The following FIGN variants were observed in gnomAD, a reference collection of about 807,000 sequenced individuals.
The protein encoded by FIGN is fidgetin, microtubule severing factor, also known as fidgetin.
In FIGN, 11 loss-of-function variants were observed where a neutral mutation model predicts 51.3. The observed-to-expected ratio is 0.21, with a 90% CI of 0.13 to 0.35. The LOEUF is 0.35. FIGN is among the 10% of genes least tolerant of loss of function. The pLI, the probability that FIGN is intolerant of heterozygous loss-of-function variation, is 1.00. For missense variants in FIGN, 857 were observed against 943.6 expected (o/e 0.91, Z 1.20); for synonymous variants, 407 against 363.2 (o/e 1.12, Z -1.37).
At position 163,604,563 on chromosome 2, in the gene FIGN, G is replaced by C. The variant is rs1691042716; in HGVS notation, c.*4989C>G. The C allele has an allele frequency of 6.6e-6, 1 of 151,942 alleles. No individual in the cohort carries two copies. Among genetic ancestry groups the C allele is most frequent in the South Asian group, 2.1e-4 (1 of 4,838 alleles). The allele number at this position is 151,942 out of a possible 1,614,324, so 9.4% of individuals were successfully genotyped here. On this transcript the variant is annotated 3_prime_UTR_variant, in exon 3 of 3. Transcript: ENST00000333129. ...AGTCTTTCTGAGGTAGACTGTTCAA[G>C]TTCAAGGACAAGTCTTTTTCTTACG... is the stretch of plus-strand genomic sequence containing the variant.
rs762958449 is a variant in FIGN at position 163,611,480 on chromosome 2, C to A, written c.352G>T (p.Val118Phe). The change falls in exon 3 of 3, where the codon GTT (valine) becomes TTT (phenylalanine). Residue 118 changes from valine to phenylalanine, a missense_variant. Around this residue, in one of 3 missense-constraint regions of FIGN, gnomAD observed 799 missense variants for 849.5 expected, o/e 0.94. Transcript: ENST00000333129. ...TCCGGAACACAGTTCATGGGATAAACAGCTTCTGAATTCAAGGAAGGCTGC... is the reference window on the plus strand; with the variant it reads ...TCCGGAACACAGTTCATGGGATAAAAAGCTTCTGAATTCAAGGAAGGCTGC... ...PWQPSLNSEAVYPMNCVPDVI... is the reference protein window; with the variant it reads ...PWQPSLNSEAFYPMNCVPDVI... The A allele has an allele frequency of 9.3e-6, 15 of 1,614,082 alleles. No individual in the cohort carries two copies. The highest frequency in any genetic ancestry group is 8.5e-7 in the Non-Finnish European group (1 of 1,180,036).
intron 2 of FIGN, among the ~76,000 whole-genome samples, chr2:163,626,548 T>G (rs745638894): frequency 3.9e-5 from 6 of 152,144 alleles, no homozygotes; most frequent in Non-Finnish European, 7.3e-5. Context: ...TAAAAATCAT[T>G]TTGGTGGGTT....
intron 2 of FIGN, among the ~76,000 whole-genome samples, chr2:163,673,379 A>G (rs1008479046): frequency 2.0e-5 from 3 of 152,138 alleles, no homozygotes; most frequent in Non-Finnish European, 4.4e-5. Context: ...CAAAATTTTT[A>G]AGCCAAGAAT....
At chr2:163,693,565 T>C (rs1684269912) in intron 2 of FIGN, among the ~76,000 whole-genome samples, 1 of 152,162 alleles carries the variant, frequency 6.6e-6, no homozygotes, top group African/African-American at 2.4e-5. Flanking sequence ...GATCACAATT[T>C]AAAGGAACCA....
chr2:163,617,058 C>T (rs1682890489), intron 2 of FIGN: 1 of 962,150 alleles, frequency 1.0e-6, no homozygotes. Context: ...GCCTTGTCTA[C>T]TCATCCTCAT....
chr2:163,734,039 A>C (rs1684973392), intron 2 of FIGN, among the ~76,000 whole-genome samples: 1 of 151,448 alleles, frequency 6.6e-6, no homozygotes, highest in African/African-American at 2.4e-5. Context: ...CCTCTGTCTT[A>C]ATTGAATATT....
intron 2 of FIGN, among the ~76,000 whole-genome samples, chr2:163,715,182 GAGA>G (rs1237572972): frequency 2.0e-5 from 3 of 152,216 alleles, no homozygotes; most frequent in Non-Finnish European, 4.4e-5. Flanking sequence ...GAGGGGAGAG[GAGA>G]AGGAGAGGAG....
Position 163,611,125 on chromosome 2 carries a change from TA to T in FIGN, c.706del (p.Tyr236ThrfsTer65). ...PPPPPALVPG[Y>X]NGTSNLSSYS... Reference sequence around the variant, plus strand: ...ACTGGAGAGGTTAGAAGTCCCATTGTAGCCTGGGACCAAGGCTGGTGGCGGA... The same window carrying T: ...ACTGGAGAGGTTAGAAGTCCCATTGTGCCTGGGACCAAGGCTGGTGGCGGA... On this transcript the variant is annotated frameshift_variant, in exon 3 of 3. Transcript: ENST00000333129. LOFTEE classifies it high-confidence loss of function. 1 of 1,614,126 alleles carries T rather than the reference TA, an allele frequency of 6.2e-7. No individual in the cohort carries two copies. Among genetic ancestry groups the T allele is most frequent in the Non-Finnish European group, 8.5e-7 (1 of 1,180,020 alleles).
At chr2:163,629,066 T>C (rs1182488332) in intron 2 of FIGN, among the ~76,000 whole-genome samples, 1 of 151,858 alleles carries the variant, frequency 6.6e-6, no homozygotes, top group African/African-American at 2.4e-5. Flanking sequence ...GGTTTGGGAG[T>C]CTTAAGCATA....
chr2:163,681,389 T>G (rs143553204), intron 2 of FIGN, among the ~76,000 whole-genome samples: 306 of 152,212 alleles, frequency 2.0e-3, no homozygotes, highest in African/African-American at 7.0e-3. Flanking sequence ...TTTGACAATA[T>G]TGTATATATA....
intron 2 of FIGN, among the ~76,000 whole-genome samples, chr2:163,615,352 A>T (rs1682857221): frequency 6.6e-6 from 1 of 152,218 alleles, no homozygotes; most frequent in Non-Finnish European, 1.5e-5. Flanking sequence ...TGATATTAGC[A>T]GGAGCTGAGG....
intron 2 of FIGN, among the ~76,000 whole-genome samples, chr2:163,641,309 A>C (rs1683302511): frequency 6.6e-6 from 1 of 152,328 alleles, no homozygotes; most frequent in South Asian, 2.1e-4. Context: ...AATCATCATG[A>C]TTTTTGTATT....
At chr2:163,692,123 T>C (rs1684248266) in intron 2 of FIGN, among the ~76,000 whole-genome samples, 1 of 152,336 alleles carries the variant, frequency 6.6e-6, no homozygotes, top group South Asian at 2.1e-4. Context: ...AACAAAATTA[T>C]TAAAATTAAA....
chr2:163,619,819 T>C (rs1682938185), intron 2 of FIGN, among the ~76,000 whole-genome samples: 1 of 152,184 alleles, frequency 6.6e-6, no homozygotes, highest in Admixed American at 6.5e-5. Context: ...CCTTAAAATT[T>C]CCTATACTTA....
At position 163,617,307 on chromosome 2, in the gene FIGN, G is replaced by A. The variant is rs1372121977; in HGVS notation, c.26-5501C>T. The A allele has an allele frequency of 4.6e-6, 4 of 875,796 alleles. No individual in the cohort carries two copies. In the African/African-American group the frequency reaches 7.2e-5, roughly 16 times the overall value. 54.3% of individuals were successfully genotyped at this position (875,796 alleles called of 1,614,324 possible). ...GATTTTATAAGCTGAATGTAACAGAGGGGCTGTCAAATTTTAAATTTAGTC... is the reference window on the plus strand; with the variant it reads ...GATTTTATAAGCTGAATGTAACAGAAGGGCTGTCAAATTTTAAATTTAGTC... On this transcript the variant is annotated intron_variant, in intron 2 of 2. Transcript: ENST00000333129.
In FIGN at chr2:163,603,365, A is replaced by AT. The variant is rs1181464249; in HGVS notation, c.*6186dup. 1 of 152,086 alleles carries AT rather than the reference A, an allele frequency of 6.6e-6. No homozygotes were observed. The highest frequency in any genetic ancestry group is 2.4e-5 in the African/African-American group (1 of 41,436). The allele number at this position is 152,086 out of a possible 1,614,324, so 9.4% of individuals were successfully genotyped here. On this transcript the variant is annotated 3_prime_UTR_variant, in exon 3 of 3. Transcript: ENST00000333129. The stretch of plus-strand genomic sequence containing the variant: ...TGGTCAAATCCAGCGTATTGTTTCA[A>AT]TTTAAGCAAATAAAATCAATATGGT...
intron 2 of FIGN, among the ~76,000 whole-genome samples, chr2:163,729,699 T>G (rs931904804): frequency 1.3e-5 from 2 of 152,174 alleles, no homozygotes; most frequent in African/African-American, 4.8e-5. Context: ...TGTAACAGTT[T>G]CAAAAATGAT....
chr2:163,673,536 A>G (rs529952960), intron 2 of FIGN, among the ~76,000 whole-genome samples: 131 of 152,154 alleles, frequency 8.6e-4, no homozygotes, highest in Non-Finnish European at 1.5e-3. Flanking sequence ...TTACTCTGCC[A>G]ATTACATATG....
chr2:163,688,370 T>C (rs905768103), intron 2 of FIGN, among the ~76,000 whole-genome samples: 1 of 152,160 alleles, frequency 6.6e-6, no homozygotes, highest in Non-Finnish European at 1.5e-5. Context: ...CTATATTGAA[T>C]GTTACAGATA....
Sources: allele counts gnomAD v4.1 joint callset (sites outside exome capture counted in the v4.1 genomes callset), GRCh38; gene constraint gnomAD v4.1.1; regional missense constraint gnomAD v4.1.1; transcripts MANE v1.5; gene names NCBI Gene and HGNC (gene_info 2026-07-23, HGNC 2026-07-21).